The following DENND1A variants were observed in gnomAD, a reference collection of about 807,000 sequenced individuals.
DENND1A encodes DENN domain-containing protein 1A.
Under a neutral mutation model 113.7 loss-of-function variants are expected in DENND1A, and 51 were observed. The ratio of observed to expected loss-of-function variants is 0.45; its 90% CI spans 0.36 to 0.57. The LOEUF (loss-of-function observed/expected upper bound fraction) is 0.57, where lower values mean the gene tolerates loss of function less well. Ranked by LOEUF, DENND1A falls within the 20% of genes least tolerant of loss-of-function variation. The pLI is 0.00. For missense variants in DENND1A, 1,258 were observed against 1,395.9 expected (o/e 0.90, Z 1.57); for synonymous variants, 565 against 570.8 (o/e 0.99, Z 0.14).
intron 21 of DENND1A, chr9:123,401,527 C>T (rs754316024): frequency 1.0e-4 from 134 of 1,315,620 alleles, no homozygotes; most frequent in East Asian, 1.3e-4. Context: ...CTGTGACGTA[C>T]GCTCACAGAA....
rs372421279 is a variant in DENND1A, at chr9:123,883,101, C to G, written c.18-4080G>C. Among the ~76,000 whole-genome samples, 6 of 152,318 alleles carry G rather than the reference C, an allele frequency of 3.9e-5. No homozygotes were observed. The South Asian group carries it at 1.2e-3, about 32-fold the overall frequency. On this transcript the variant is annotated intron_variant, in intron 1 of 23. Coordinates refer to ENST00000394215, the MANE Select transcript of DENND1A (RefSeq NM_001352964.2). ...TTATATTGATCTTCACACAGGTGGTCCTTCTTGGCATTGAAAACTCAGCTT... is the reference window on the plus strand; with the variant it reads ...TTATATTGATCTTCACACAGGTGGTGCTTCTTGGCATTGAAAACTCAGCTT...
At chr9:123,388,926 G>T (rs1047388415) in intron 21 of DENND1A, among the ~76,000 whole-genome samples, 1 of 152,228 alleles carries the variant, frequency 6.6e-6, no homozygotes, top group Admixed American at 6.5e-5. Context: ...CTGTGGGCTG[G>T]CTTGCTCTGA....
chr9:123,788,109 T>C (rs956989923), intron 3 of DENND1A, among the ~76,000 whole-genome samples: 1 of 152,236 alleles, frequency 6.6e-6, no homozygotes, highest in African/African-American at 2.4e-5. Context: ...TCAACTCTAA[T>C]TGCCACTCTT....
At chr9:123,461,268 G>A (rs891833514) in intron 13 of DENND1A, among the ~76,000 whole-genome samples, 1 of 152,132 alleles carries the variant, frequency 6.6e-6, no homozygotes, top group Non-Finnish European at 1.5e-5. Flanking sequence ...GTCTTCACTG[G>A]TATCCCCTCT....
intron 5 of DENND1A, among the ~76,000 whole-genome samples, chr9:123,685,867 TC>T (rs1228741495): frequency 6.6e-6 from 1 of 152,148 alleles, no homozygotes; most frequent in Non-Finnish European, 1.5e-5. Context: ...TGCAAGACTT[TC>T]CCCATTCAGA....
intron 11 of DENND1A, among the ~76,000 whole-genome samples, chr9:123,601,635 T>G (rs2059938284): frequency 6.6e-6 from 1 of 152,254 alleles, no homozygotes; most frequent in South Asian, 2.1e-4. Flanking sequence ...AGGGTTTCAC[T>G]GATATAAACT....
intron 21 of DENND1A, among the ~76,000 whole-genome samples, chr9:123,398,254 C>G (rs371435411): frequency 1.3e-3 from 191 of 152,382 alleles, no homozygotes; most frequent in African/African-American, 4.5e-3. Flanking sequence ...AGAGATGCAC[C>G]CCGGGATCAG....
Position 123,380,469 on chromosome 9 carries a change from C to T in DENND1A, c.*963G>A, listed in dbSNP as rs919168150. The T allele has an allele frequency of 1.4e-4, 22 of 152,572 alleles. No homozygotes were observed. The highest frequency in any genetic ancestry group is 5.1e-4 in the African/African-American group (21 of 41,556). 9.5% of individuals were successfully genotyped at this position (152,572 alleles called of 1,614,324 possible). On this transcript the variant is annotated 3_prime_UTR_variant, in exon 24 of 24. Coordinates refer to ENST00000394215, the MANE Select transcript of DENND1A (RefSeq NM_001352964.2). ...TCTACCTGGCCCTGGAGAAGGGGCT[C>T]AGGGCCACTGCCTCGTTCCAACCCA...
chr9:123,575,322 G>C (rs543974905), intron 12 of DENND1A, among the ~76,000 whole-genome samples: 1 of 152,162 alleles, frequency 6.6e-6, no homozygotes, highest in African/African-American at 2.4e-5. Flanking sequence ...CTGACAGGAG[G>C]TAGAGTGCTC....
chr9:123,614,438 C>T lies in DENND1A; in HGVS notation c.720-4957G>A, dbSNP rs185651967. On this transcript the variant is annotated intron_variant, in intron 10 of 23. Transcript: ENST00000394215. ...AATATGGAAACTGCAGACTTACTAA[C>T]GATCCTGTAGTCCTTGTTCATTATT... is the stretch of plus-strand genomic sequence containing the variant. Among the ~76,000 whole-genome samples, 107 of 152,312 alleles carry T rather than the reference C, an allele frequency of 7.0e-4. 1 individual carries two copies. The highest frequency in any genetic ancestry group is 1.2e-3 in the Non-Finnish European group (79 of 68,022).
intron 21 of DENND1A, chr9:123,400,745 TAATTTTTGTATTTTTAGTAGAG>T (rs2043395627): frequency 6.6e-6 from 1 of 152,118 alleles, no homozygotes; most frequent in Admixed American, 6.6e-5. Context: ...CACACTCGGC[TAATTTTTGTATTTTTAGTAGAG>T]ACGGGGTTTC....
intron 18 of DENND1A, among the ~76,000 whole-genome samples, chr9:123,443,269 T>C (rs2047060596): frequency 1.3e-5 from 2 of 152,210 alleles, no homozygotes; most frequent in African/African-American, 4.8e-5. Flanking sequence ...AGATGTAATC[T>C]TCTCCTCGGA....
intron 5 of DENND1A, among the ~76,000 whole-genome samples, chr9:123,752,598 A>G (rs1404233913): frequency 1.3e-5 from 2 of 152,164 alleles, no homozygotes; most frequent in African/African-American, 4.8e-5. Context: ...ACAAATTTAA[A>G]CCTTTGAACT....
chr9:123,647,331 C>T (rs776868086), intron 9 of DENND1A, among the ~76,000 whole-genome samples: 2 of 152,210 alleles, frequency 1.3e-5, no homozygotes, highest in Admixed American at 6.5e-5. Flanking sequence ...GCTTTGTTGG[C>T]ACACAATCAT....
At chr9:123,541,689 C>T (rs926287384) in intron 13 of DENND1A, among the ~76,000 whole-genome samples, 5 of 152,192 alleles carry the variant, frequency 3.3e-5, no homozygotes, top group African/African-American at 9.7e-5. Context: ...AATCCTGCCA[C>T]GCCTCCATGG....
intron 5 of DENND1A, among the ~76,000 whole-genome samples, chr9:123,679,836 A>G (rs1184778916): frequency 6.6e-6 from 1 of 152,094 alleles, no homozygotes; most frequent in Non-Finnish European, 1.5e-5. Flanking sequence ...GACAGAAACA[A>G]ACACTCTAGT....
intron 13 of DENND1A, among the ~76,000 whole-genome samples, chr9:123,473,758 C>T (rs148191558): frequency 2.4e-4 from 37 of 152,210 alleles, no homozygotes; most frequent in African/African-American, 8.2e-4. Flanking sequence ...GGCCAGGCTC[C>T]CCTGCTGGCT....
chr9:123,769,478 CT>C, intron 4 of DENND1A, 35 bp downstream of exon 4: 6 of 1,566,954 alleles, frequency 3.8e-6, no homozygotes, highest in South Asian at 2.3e-5. Flanking sequence ...TTTATTGATA[CT>C]TTTTTTCTAG....
At chr9:123,493,083 G>T (rs2051529402) in intron 13 of DENND1A, 1 of 152,442 alleles carries the variant, frequency 6.6e-6, no homozygotes, top group Non-Finnish European at 1.5e-5. Context: ...TCCCAGGAGG[G>T]GCAGTGATGC....
Sources: allele counts gnomAD v4.1 joint callset (sites outside exome capture counted in the v4.1 genomes callset), GRCh38; gene constraint gnomAD v4.1.1; transcripts MANE v1.5; gene names NCBI Gene and HGNC (gene_info 2026-07-23, HGNC 2026-07-21).